Variants in ZNF540 observed in about 807,000 individuals in gnomAD.
ZNF540 encodes the protein zinc finger protein 540.
A neutral mutation model predicts 11.8 loss-of-function variants in ZNF540; 3 were observed. The observed-to-expected ratio is 0.25, with a 90% CI of 0.12 to 0.65. The LOEUF (loss-of-function observed/expected upper bound fraction) is 0.65, where lower values mean the gene tolerates loss of function less well. Among genes scored for constraint, ZNF540 ranks in the 30% least tolerant of loss-of-function variants. The pLI is 0.83. For synonymous variants in ZNF540, 247 were observed against 259.0 expected, an observed-to-expected ratio of 0.95 and a Z score of 0.45; for missense variants, 709 against 793.1, an observed-to-expected ratio of 0.89 and a Z score of 1.27.
chr19:37,578,357 TGAGA>T (rs2043319066), intron 1 of ZNF540, among the ~76,000 whole-genome samples: 1 of 151,938 alleles, frequency 6.6e-6, no homozygotes, highest in Admixed American at 6.6e-5. Flanking sequence ...GGTGAAACGG[TGAGA>T]GAGTGAGAGT....
chr19:37,613,117 G>A lies in ZNF540; in HGVS notation c.1837G>A (p.Gly613Arg), dbSNP rs946079595. ...GEKPYECKQC[G>R]KAFRLNSHLT... ...GAAACCCTATGAGTGTAAACAATGTGGGAAGGCCTTTAGACTTAATTCACA... is the reference window on the plus strand; with the variant it reads ...GAAACCCTATGAGTGTAAACAATGTAGGAAGGCCTTTAGACTTAATTCACA... The change falls in exon 5 of 5, where the codon GGG (glycine) becomes AGG (arginine). Residue 613 changes from glycine to arginine, a missense_variant. Physicochemically the swap from Gly to Arg is moderately radical, Grantham distance 125. Coordinates refer to ENST00000316433, the MANE Select transcript of ZNF540 (RefSeq NM_001172225.3). The A allele has an allele frequency of 6.2e-7, 1 of 1,613,872 alleles. No homozygotes were observed. The highest frequency in any genetic ancestry group is 8.5e-7 in the Non-Finnish European group (1 of 1,179,938).
At chr19:37,562,478 T>C (rs1165946554) in intron 1 of ZNF540, 1 of 152,198 alleles carries the variant, frequency 6.6e-6, no homozygotes, top group Non-Finnish European at 1.5e-5. Context: ...TTTGTTTTTC[T>C]ATGAACAGCT....
chr19:37,552,303 C>T (rs1417139926), intron 1 of ZNF540, among the ~76,000 whole-genome samples: 1 of 152,100 alleles, frequency 6.6e-6, no homozygotes, highest in Non-Finnish European at 1.5e-5. Context: ...TATAAACAAG[C>T]TTGCTAAAGT....
At chr19:37,611,195 ATTT>A in intron 4 of ZNF540, 1 of 154,982 alleles carries the variant, frequency 6.5e-6, no homozygotes, top group East Asian at 1.9e-4. Flanking sequence ...CCAATTTTGT[ATTT>A]TTTTTTTTAG....
intron 1 of ZNF540, among the ~76,000 whole-genome samples, chr19:37,574,640 C>T (rs186734502): frequency 6.6e-6 from 1 of 152,080 alleles, no homozygotes; most frequent in Non-Finnish European, 1.5e-5. Context: ...TGGTTTATCA[C>T]CATACCTAAA....
intron 1 of ZNF540, among the ~76,000 whole-genome samples, chr19:37,567,902 C>T (rs2042917082): frequency 6.6e-6 from 1 of 152,176 alleles, no homozygotes; most frequent in African/African-American, 2.4e-5. Context: ...GTCCCCAGAA[C>T]ACAGTATACA....
upstream of ZNF540, among the ~76,000 whole-genome samples, chr19:37,591,477 C>T (rs1235471437): frequency 1.3e-5 from 2 of 152,214 alleles, no homozygotes; most frequent in African/African-American, 2.4e-5. Flanking sequence ...TTGTAGGGCA[C>T]CAACTCATTT....
At chr19:37,595,765 A>T (rs1485750089) in intron 1 of ZNF540, among the ~76,000 whole-genome samples, 1 of 152,202 alleles carries the variant, frequency 6.6e-6, no homozygotes, top group Non-Finnish European at 1.5e-5. Context: ...CTAGCTACAT[A>T]TGGCTATTGA....
At chr19:37,572,663 T>C (rs2043103784) in intron 1 of ZNF540, among the ~76,000 whole-genome samples, 2 of 152,218 alleles carry the variant, frequency 1.3e-5, no homozygotes, top group East Asian at 1.9e-4. Flanking sequence ...TGCTAACTCA[T>C]GCCTCCATAT....
chr19:37,556,745 C>T (rs2147137730), intron 1 of ZNF540, among the ~76,000 whole-genome samples: 1 of 152,232 alleles, frequency 6.6e-6, no homozygotes, highest in Middle Eastern at 3.4e-3. Context: ...TAGGCGGCGC[C>T]CTCCCATACA....
chr19:37,553,773 A>AT (rs1471725391), intron 1 of ZNF540, among the ~76,000 whole-genome samples: 2 of 1,258 alleles, frequency 1.6e-3, no homozygotes, highest in African/African-American at 2.6e-3. Flanking sequence ...CCACCTTCTC[A>AT]CCTTTGAGCC....
chr19:37,613,070 A>C lies in ZNF540; in HGVS notation c.1790A>C (p.His597Pro). The stretch of plus-strand genomic sequence containing the variant: ...AGTCGTAGTGTAGACCTTAGAATAC[A>C]TCAAAGAATTCATACTGGTGAGAAA... ...AFSRSVDLRI[H>P]QRIHTGEKPY... The change falls in exon 5 of 5, where the codon CAT becomes CCT. Residue 597 changes from histidine to proline, a missense_variant. By Grantham distance (77) the His-to-Pro change is moderately conservative (BLOSUM62 -2). Transcript: ENST00000316433. 6.2e-7 allele frequency: 1 copy of C among 1,614,092 alleles called. No individual in the cohort carries two copies. The highest frequency in any genetic ancestry group is 8.5e-7 in the Non-Finnish European group (1 of 1,179,980).
rs766055873 is a variant in ZNF540 at position 37,612,928 on chromosome 19, C to A, written c.1648C>A (p.Pro550Thr). ...TCTGAAAATTCATTCTGGTTTAAAA[C>A]CCTATGACTGTAAAGAATGTGGGAA... ...EHLKIHSGLK[P>T]YDCKECGKSF... Residue 550 changes from proline to threonine, a missense_variant, in exon 5 of 5, where the codon CCC (proline) becomes ACC (threonine). Pro to Thr is a conservative substitution (Grantham distance 38). Coordinates refer to ENST00000316433, the MANE Select transcript of ZNF540 (RefSeq NM_001172225.3). 11 of 1,614,100 alleles carry A rather than the reference C, an allele frequency of 6.8e-6. No individual in the cohort carries two copies. Among genetic ancestry groups the A allele is most frequent in the Non-Finnish European group, 8.5e-6 (10 of 1,179,994 alleles).
At chr19:37,602,871 A>G (rs1160854833) in intron 4 of ZNF540, among the ~76,000 whole-genome samples, 1 of 152,196 alleles carries the variant, frequency 6.6e-6, no homozygotes, top group Non-Finnish European at 1.5e-5. Context: ...AAAGCCTGCT[A>G]GATGTGGCTG....
chr19:37,599,821 T>G (rs777765749), intron 3 of ZNF540, 69 bp downstream of exon 3: 3 of 1,453,896 alleles, frequency 2.1e-6, no homozygotes, highest in Non-Finnish European at 2.8e-6. Flanking sequence ...TCCACAAATT[T>G]AGGACTAATT....
At chr19:37,573,841 AAAAAG>A (rs1248457947) in intron 1 of ZNF540, among the ~76,000 whole-genome samples, 2 of 151,824 alleles carry the variant, frequency 1.3e-5, no homozygotes, top group Non-Finnish European at 2.9e-5. Context: ...TCAAAAAAAA[AAAAAG>A]AAAGAAAAAG....
At chr19:37,565,424 T>C (rs1211854841) in intron 1 of ZNF540, 2 of 1,613,346 alleles carry the variant, frequency 1.2e-6, no homozygotes, top group South Asian at 2.2e-5. Context: ...TTTACATATG[T>C]AAGGCTTTTC....
intron 1 of ZNF540, among the ~76,000 whole-genome samples, chr19:37,562,097 T>A (rs1371709799): frequency 6.6e-6 from 1 of 152,160 alleles, no homozygotes; most frequent in Admixed American, 6.5e-5. Flanking sequence ...TTAAAGATAA[T>A]GTAGGCCGGG....
At chr19:37,593,313 C>T (rs756555725), upstream of ZNF540, among the ~76,000 whole-genome samples, 1 of 152,030 alleles carries the variant, frequency 6.6e-6, no homozygotes, top group Non-Finnish European at 1.5e-5. Flanking sequence ...TGTTGGGGTT[C>T]GTATTATTCT....
Sources: allele counts gnomAD v4.1 joint callset (sites outside exome capture counted in the v4.1 genomes callset), GRCh38; gene constraint gnomAD v4.1.1; transcripts MANE v1.5; gene names NCBI Gene and HGNC (gene_info 2026-07-23, HGNC 2026-07-21).